Variants in RNF19B observed in about 807,000 individuals in gnomAD.
The protein encoded by RNF19B is ring finger protein 19B, also known as E3 ubiquitin-protein ligase RNF19B.
In RNF19B, 23 loss-of-function variants were observed where a neutral mutation model predicts 65.5. That is an observed-to-expected ratio of 0.35 (90% confidence interval 0.25 to 0.50). The LOEUF (loss-of-function observed/expected upper bound fraction) is 0.50, where lower values mean the gene tolerates loss of function less well. Among genes scored for constraint, RNF19B ranks in the 20% least tolerant of loss-of-function variants. The probability of loss-of-function intolerance (pLI) is 0.98; values close to 1 mark genes in which losing one functional copy is unlikely to be tolerated. For synonymous variants in RNF19B, 372 were observed against 379.6 expected, an observed-to-expected ratio of 0.98 and a Z score of 0.23; for missense variants, 794 against 980.0, an observed-to-expected ratio of 0.81 and a Z score of 2.53.
At chr1:32,951,876 CA>C (rs1347832792) in intron 1 of RNF19B, among the ~76,000 whole-genome samples, 3 of 151,320 alleles carry the variant, frequency 2.0e-5, no homozygotes, top group Non-Finnish European at 4.4e-5. Context: ...CGGCTCACTG[CA>C]ATCTTCTCCC....
chr1:32,950,127 G>A (rs952352895), intron 1 of RNF19B, among the ~76,000 whole-genome samples: 22 of 152,078 alleles, frequency 1.4e-4, no homozygotes, highest in Admixed American at 5.9e-4. Flanking sequence ...AAGCCACCAC[G>A]CCTGGCTAAT....
At chr1:32,930,495 C>T in the RNF19B span, among the ~76,000 whole-genome samples, 4 of 151,722 alleles carry the variant, frequency 2.6e-5, no homozygotes, top group Admixed American at 6.6e-5. Context: ...AGCCTCAAAT[C>T]CCTGAGTTCA....
intron 1 of RNF19B, among the ~76,000 whole-genome samples, chr1:32,961,324 C>G (rs1284173133): frequency 6.6e-6 from 1 of 152,152 alleles, no homozygotes; most frequent in African/African-American, 2.4e-5. Context: ...CAGCAGCATC[C>G]TCAATAATGC....
intron 1 of RNF19B, among the ~76,000 whole-genome samples, chr1:32,953,242 G>A (rs1053306927): frequency 2.0e-5 from 3 of 151,620 alleles, no homozygotes; most frequent in African/African-American, 7.3e-5. Context: ...CCAAAGCATT[G>A]GGATTACAGG....
intron 1 of RNF19B, 67 bp downstream of exon 1, chr1:32,963,984 C>G: frequency 1.5e-6 from 2 of 1,370,282 alleles, no homozygotes; most frequent in South Asian, 1.7e-5. Flanking sequence ...ACGCGGGGTC[C>G]CTGCTGCCCC....
chr1:32,951,434 C>T (rs1295606597), intron 1 of RNF19B, among the ~76,000 whole-genome samples: 1 of 152,222 alleles, frequency 6.6e-6, no homozygotes, highest in African/African-American at 2.4e-5. Context: ...CAGGAGCCGG[C>T]GCACATGCAG....
Position 32,936,853 on chromosome 1 carries a change from C to A in RNF19B, c.2149G>T (p.Glu717Ter), listed in dbSNP as rs371235809. Residue 717 changes from glutamate to a stop codon, truncating the protein, a stop_gained, in exon 9 of 9, where the codon GAG becomes TAG. Coordinates refer to ENST00000235150, the MANE Select transcript of RNF19B (RefSeq NM_001300826.2). LOFTEE classifies it high-confidence loss of function. ...TCTGGCTTCAAGACAGTTTGTCCCT[C>A]GGCTAGGGCAGAGAGGTTCATATGG... Reference protein sequence around the residue: ...SAHMNLSALAEGQTVLKPEGG... With the variant: ...SAHMNLSALA The A allele has an allele frequency of 2.6e-5, 41 of 1,596,550 alleles. No homozygotes were observed. Among genetic ancestry groups the A allele is most frequent in the Non-Finnish European group, 3.5e-5 (41 of 1,168,426 alleles).
intron 6 of RNF19B, among the ~76,000 whole-genome samples, chr1:32,942,685 A>G (rs1328110912): frequency 1.3e-5 from 2 of 152,256 alleles, no homozygotes; most frequent in African/African-American, 4.8e-5. Context: ...ATTTAAAACT[A>G]AATGACTTGT....
At chr1:32,946,931 C>T (rs1020946291) in intron 3 of RNF19B, among the ~76,000 whole-genome samples, 1 of 152,214 alleles carries the variant, frequency 6.6e-6, no homozygotes, top group African/African-American at 2.4e-5. Flanking sequence ...GCACCCTGCA[C>T]TAATGAACAC....
chr1:32,947,845 G>A (rs1263265543), intron 3 of RNF19B, among the ~76,000 whole-genome samples: 5 of 151,932 alleles, frequency 3.3e-5, no homozygotes, highest in South Asian at 2.1e-4. Context: ...AGAATGAGGC[G>A]GAAAAAGGAG....
chr1:32,954,669 C>T (rs572282158), intron 1 of RNF19B, among the ~76,000 whole-genome samples: 6 of 149,218 alleles, frequency 4.0e-5, no homozygotes, highest in Non-Finnish European at 3.0e-5. Flanking sequence ...AACTGGGAGG[C>T]GGAGGTTGCA....
intron 7 of RNF19B, among the ~76,000 whole-genome samples, chr1:32,939,755 G>A (rs1293497305): frequency 6.6e-6 from 1 of 152,090 alleles, no homozygotes; most frequent in Admixed American, 6.6e-5. Flanking sequence ...TCCTTATAAT[G>A]GGTTTCACAG....
At chr1:32,951,262 T>C (rs143451928) in intron 1 of RNF19B, among the ~76,000 whole-genome samples, 5 of 152,388 alleles carry the variant, frequency 3.3e-5, no homozygotes, top group Admixed American at 1.3e-4. Context: ...CAGGTTACTC[T>C]ATTTACATCT....
At chr1:32,948,009 A>G (rs1405160282) in intron 3 of RNF19B, among the ~76,000 whole-genome samples, 1 of 152,158 alleles carries the variant, frequency 6.6e-6, no homozygotes, top group African/African-American at 2.4e-5. Flanking sequence ...AAAGGGAAAA[A>G]GCAAGTCCAG....
chr1:32,947,366 T>C (rs1166067055), intron 3 of RNF19B, among the ~76,000 whole-genome samples: 3 of 152,216 alleles, frequency 2.0e-5, no homozygotes, highest in Admixed American at 1.3e-4. Flanking sequence ...CATTTTAATA[T>C]TCACTCAATG....
chr1:32,964,130 G>C lies in RNF19B; in HGVS notation c.556C>G (p.His186Asp), dbSNP rs747655930. The part of the protein sequence containing the change: ...RLLLADPPLM[H>D]KYEEFMLRRY... ...CGCAGCATGAACTCCTCGTACTTGT[G>C]CATAAGCGGCGGGTCGGCGAGCAGC... The change falls in exon 1 of 9, where the codon CAC (histidine) becomes GAC (aspartate). Residue 186 changes from histidine to aspartate, a missense_variant. His to Asp is a moderately conservative substitution (Grantham distance 81, BLOSUM62 -1). Around this residue, in one of 3 missense-constraint regions of RNF19B, gnomAD observed 374 missense variants for 423.8 expected, o/e 0.88. Coordinates refer to ENST00000235150, the MANE Select transcript of RNF19B (RefSeq NM_001300826.2). This position sits in a 1 kb window ranked among gnomAD's most constrained non-coding sequence, Gnocchi z 6.5. The C allele has an allele frequency of 6.9e-5, 106 of 1,543,158 alleles. No homozygotes were observed. Among genetic ancestry groups the C allele is most frequent in the Non-Finnish European group, 8.7e-5 (100 of 1,143,958 alleles).
At chr1:32,937,338 G>A (rs1407756832) in intron 8 of RNF19B, 79 bp from the exon 9 acceptor site, 7 of 1,602,942 alleles carry the variant, frequency 4.4e-6, no homozygotes, top group East Asian at 4.5e-5. Flanking sequence ...CATGGGTTCA[G>A]GATTAGGAAT....
intron 1 of RNF19B, among the ~76,000 whole-genome samples, chr1:32,954,334 C>G (rs1297244154): frequency 1.3e-5 from 2 of 151,864 alleles, no homozygotes; most frequent in Non-Finnish European, 2.9e-5. Flanking sequence ...CCACAGCAAT[C>G]TATTACTACG....
At chr1:32,934,348 G>C (rs1048910371), downstream of RNF19B, among the ~76,000 whole-genome samples, 3 of 152,178 alleles carry the variant, frequency 2.0e-5, no homozygotes, top group Non-Finnish European at 4.4e-5. Flanking sequence ...CTGGGCCCAG[G>C]ACTAAGGTGA....
Sources: allele counts gnomAD v4.1 joint callset (sites outside exome capture counted in the v4.1 genomes callset), GRCh38; gene constraint gnomAD v4.1.1; regional missense constraint gnomAD v4.1.1; non-coding constraint Gnocchi (gnomAD v3.1); transcripts MANE v1.5; gene names NCBI Gene and HGNC (gene_info 2026-07-23, HGNC 2026-07-21).